Variants in MYO3B observed in about 807,000 individuals in gnomAD.
MYO3B encodes the protein myosin IIIB, also known as myosin-IIIb.
MYO3B carries 156 observed loss-of-function variants against 174.6 expected under a neutral mutation model. That is an observed-to-expected ratio of 0.89 (90% CI 0.78 to 1.02). MYO3B has a LOEUF of 1.02. Among genes scored for constraint, MYO3B ranks in the 50% least tolerant of loss-of-function variants. The pLI is 0.00. For synonymous variants in MYO3B, 563 were observed against 569.1 expected (o/e 0.99, Z 0.15); for missense variants, 1,632 against 1,639.4 (o/e 1.00, Z 0.08).
In MYO3B at chr2:170,214,789, C is replaced by A; in HGVS notation, c.487C>A (p.Leu163Ile). ...CCGTGATGTGAAGGGGAATAACATT[C>A]TTCTGACAACAGAAGGAGGAGTTAA... ...IHRDVKGNNI[L>I]LTTEGGVKLV... The change falls in exon 5 of 35, where the codon CTT becomes ATT. Residue 163 changes from leucine (L) to isoleucine (I), a missense_variant. Transcript: ENST00000408978. The A allele has an allele frequency of 1.2e-6, 2 of 1,614,090 alleles. No homozygotes were observed. Among genetic ancestry groups the A allele is most frequent in the Non-Finnish European group, 1.7e-6 (2 of 1,179,994 alleles).
chr2:170,361,575 A>G (rs75183254), intron 8 of MYO3B, among the ~76,000 whole-genome samples: 2,633 of 152,338 alleles, frequency 0.017, 79 homozygotes, highest in African/African-American at 0.06. Flanking sequence ...CGTAGCTTAA[A>G]CATAAGAAGG....
At chr2:170,514,830 A>G in intron 28 of MYO3B, 91 bp from the exon 29 acceptor site, 8 of 1,125,886 alleles carry the variant, frequency 7.1e-6, no homozygotes, top group Non-Finnish European at 1.0e-5. Context: ...AAAAGTGTGG[A>G]TTTTCCTGGC....
intron 27 of MYO3B, 67 bp from the exon 28 acceptor site, chr2:170,501,718 C>A: frequency 2.8e-6 from 3 of 1,082,228 alleles, no homozygotes; most frequent in Non-Finnish European, 4.2e-6. Context: ...GGGAAAACAG[C>A]TTATATCAAT....
Position 170,206,761 on chromosome 2 carries a change from C to T in MYO3B, c.321+6477C>T, listed in dbSNP as rs541479144. On this transcript the variant is annotated intron_variant, in intron 3 of 34. Coordinates refer to ENST00000408978, the MANE Select transcript of MYO3B (RefSeq NM_138995.5). The surrounding 1 kb of genome is among the most constrained non-coding windows in gnomAD (Gnocchi z 4.3). ...CCTGGGTGGCATCTGGATCTGGGTA[C>T]AAGTAGATGCTTACATAATGCCATG... Among the ~76,000 whole-genome samples, 1 of 152,238 alleles carries T rather than the reference C, an allele frequency of 6.6e-6. No homozygotes were observed. The highest frequency in any genetic ancestry group is 2.1e-4 in the South Asian group (1 of 4,822).
At chr2:170,430,983 A>G (rs2094703788) in intron 22 of MYO3B, among the ~76,000 whole-genome samples, 1 of 152,226 alleles carries the variant, frequency 6.6e-6, no homozygotes, top group Non-Finnish European at 1.5e-5. Flanking sequence ...TCCTTTGCCT[A>G]AATTATGATT....
At position 170,445,253 on chromosome 2, in the gene MYO3B, C is replaced by T. The variant is rs1482849364; in HGVS notation, c.2730+1207C>T. On this transcript the variant is annotated intron_variant, in intron 23 of 34. Coordinates refer to ENST00000408978, the MANE Select transcript of MYO3B (RefSeq NM_138995.5). Reference sequence around the variant, plus strand: ...ACAATCAATAGCACTGTAACACATGCCTGAACAATAAGTATTTTCTCCATG... The same window carrying T: ...ACAATCAATAGCACTGTAACACATGTCTGAACAATAAGTATTTTCTCCATG... Among the ~76,000 whole-genome samples the T allele has an allele frequency of 2.0e-5, 3 of 152,286 alleles. No individual in the cohort carries two copies. In the East Asian group the frequency reaches 5.8e-4, roughly 29 times the overall value.
At chr2:170,415,865 G>T (rs1470733775) in intron 22 of MYO3B, among the ~76,000 whole-genome samples, 2 of 152,048 alleles carry the variant, frequency 1.3e-5, no homozygotes, top group Non-Finnish European at 2.9e-5. Flanking sequence ...TGATGTGGTT[G>T]TTCTTATCAA....
chr2:170,275,609 T>G (rs2093459096), intron 7 of MYO3B, among the ~76,000 whole-genome samples: 1 of 152,200 alleles, frequency 6.6e-6, no homozygotes, highest in South Asian at 2.1e-4. Flanking sequence ...CCAGTACTTG[T>G]GAGGAAGACT....
chr2:170,221,756 G>T (rs2092903352), intron 6 of MYO3B, among the ~76,000 whole-genome samples: 2 of 151,600 alleles, frequency 1.3e-5, no homozygotes, highest in African/African-American at 4.9e-5. Flanking sequence ...TTTAAAAGAT[G>T]GGGTCTTACC....
intron 7 of MYO3B, among the ~76,000 whole-genome samples, chr2:170,259,180 C>T (rs1393813322): frequency 2.6e-5 from 4 of 152,080 alleles, no homozygotes; most frequent in East Asian, 1.9e-4. Flanking sequence ...ATGAAACTAC[C>T]GATGTCATTT....
chr2:170,432,261 A>C (rs772574380), intron 22 of MYO3B, among the ~76,000 whole-genome samples: 4 of 152,194 alleles, frequency 2.6e-5, no homozygotes, highest in Non-Finnish European at 4.4e-5. Context: ...TTATTGCCCC[A>C]TAGACCTTAC....
intron 25 of MYO3B, among the ~76,000 whole-genome samples, chr2:170,482,952 C>CA (rs1472874960): frequency 9.8e-5 from 15 of 152,360 alleles, no homozygotes; most frequent in Admixed American, 9.1e-4. Context: ...GCAATTGGGA[C>CA]AAAATCCCAA....
chr2:170,551,421 A>G (rs975575269), intron 32 of MYO3B, among the ~76,000 whole-genome samples: 3 of 144,544 alleles, frequency 2.1e-5, no homozygotes, highest in East Asian at 2.0e-4. Flanking sequence ...CACAGGCTGG[A>G]GTGCAGTGGT....
intron 7 of MYO3B, among the ~76,000 whole-genome samples, chr2:170,310,193 G>A (rs1224579352): frequency 2.6e-5 from 4 of 152,128 alleles, no homozygotes; most frequent in East Asian, 1.9e-4. Flanking sequence ...AGCTCTCGAC[G>A]AAAAGCGTCA....
intron 23 of MYO3B, among the ~76,000 whole-genome samples, chr2:170,462,698 G>A (rs1043840941): frequency 2.6e-5 from 4 of 152,268 alleles, no homozygotes; most frequent in African/African-American, 9.6e-5. Context: ...GCAAACCAAA[G>A]CAGGGTTTTT....
intron 7 of MYO3B, 83 bp downstream of exon 7, chr2:170,236,219 A>T: frequency 6.6e-7 from 1 of 1,518,306 alleles, no homozygotes; most frequent in African/African-American, 1.4e-5. Flanking sequence ...TTTGCAAGCA[A>T]TTTCTCTCCA....
Position 170,463,382 on chromosome 2 carries a change from G to A in MYO3B, c.2745G>A (p.Glu915=), listed in dbSNP as rs992887655. Reference sequence around the variant, plus strand: ...TATGCTTCCAGGTGGACACTCTGGAGGTGATACGGCATCCGGAAGAAACCA... The same window carrying A: ...TATGCTTCCAGGTGGACACTCTGGAAGTGATACGGCATCCGGAAGAAACCA... ...SAGKAKVDTL[E]VIRHPEETTN... is the part of the protein sequence containing the mutation. Residue 915 remains glutamate, a synonymous_variant, in exon 24 of 35, where the codon GAG becomes GAA. Transcript: ENST00000408978. The A allele has an allele frequency of 4.3e-6, 7 of 1,613,756 alleles. No individual in the cohort carries two copies. The African/African-American group carries it at 8.0e-5, about 18-fold the overall frequency.
At chr2:170,625,939 T>A (rs895103297) in intron 32 of MYO3B, among the ~76,000 whole-genome samples, 2 of 152,214 alleles carry the variant, frequency 1.3e-5, no homozygotes, top group African/African-American at 4.8e-5. Context: ...TAATTTCTGT[T>A]CTTTTACCTC....
intron 30 of MYO3B, among the ~76,000 whole-genome samples, chr2:170,533,682 A>G (rs527935179): frequency 6.6e-6 from 1 of 152,194 alleles, no homozygotes; most frequent in Non-Finnish European, 1.5e-5. Context: ...TGAAGTTTCC[A>G]TGTTTACGGA....
Sources: allele counts gnomAD v4.1 joint callset (sites outside exome capture counted in the v4.1 genomes callset), GRCh38; gene constraint gnomAD v4.1.1; non-coding constraint Gnocchi (gnomAD v3.1); transcripts MANE v1.5; gene names NCBI Gene and HGNC (gene_info 2026-07-23, HGNC 2026-07-21).